EPHB1: variants seen among roughly 807,000 people sequenced by gnomAD.
The protein encoded by EPHB1 is ephrin type-B receptor 1.
EPHB1 carries 30 observed loss-of-function variants against 94.4 expected under a neutral mutation model. The ratio of observed to expected loss-of-function variants is 0.32; its 90% CI spans 0.24 to 0.43. EPHB1 has a LOEUF of 0.43. Ranked by LOEUF, EPHB1 falls within the 20% of genes least tolerant of loss-of-function variation. EPHB1 has a pLI of 1.00. For missense variants in EPHB1, 1,055 were observed against 1,308.3 expected (o/e 0.81, Z 2.99); for synonymous variants, 522 against 489.1 (o/e 1.07, Z -0.89).
At chr3:135,254,657 A>C (rs953463157) in intron 15 of EPHB1, among the ~76,000 whole-genome samples, 52 of 150,118 alleles carry the variant, frequency 3.5e-4, no homozygotes, top group Non-Finnish European at 5.8e-4. Flanking sequence ...TTCATCAGGG[A>C]TATTGGTCTA....
chr3:134,967,164 T>TAA lies in EPHB1; in HGVS notation c.805+15114_805+15115dup, dbSNP rs552185427. On this transcript the variant is annotated intron_variant, in intron 3 of 15. Transcript: ENST00000398015. Reference sequence around the variant, plus strand: ...TGAATGGACTGATGGCCCAGATATATAAAGACTTTTAAGTAAGTGCTATGC... The same window carrying TAA: ...TGAATGGACTGATGGCCCAGATATATAAAAAGACTTTTAAGTAAGTGCTATGC... Among the ~76,000 whole-genome samples the TAA allele has an allele frequency of 2.6e-5, 4 of 152,318 alleles. No homozygotes were observed. The South Asian group carries it at 8.3e-4, about 32-fold the overall frequency.
intron 1 of EPHB1, chr3:134,796,028 C>T (rs755006040): frequency 4.9e-5 from 19 of 385,278 alleles, no homozygotes; most frequent in Non-Finnish European, 8.9e-5. Flanking sequence ...TGGGGCAGAG[C>T]CAGAGCTGGG....
intron 3 of EPHB1, among the ~76,000 whole-genome samples, chr3:134,989,488 C>T (rs1344752034): frequency 2.5e-5 from 3 of 122,170 alleles, no homozygotes; most frequent in South Asian, 2.5e-4. Flanking sequence ...TGCACACGCA[C>T]GCGCGCGTGC....
intron 3 of EPHB1, among the ~76,000 whole-genome samples, chr3:135,106,096 G>A (rs1159859747): frequency 6.6e-6 from 1 of 152,148 alleles, no homozygotes; most frequent in African/African-American, 2.4e-5. Flanking sequence ...ATGTTAACCA[G>A]GTAGACAGAA....
chr3:135,258,444 C>T (rs980177235), intron 15 of EPHB1, among the ~76,000 whole-genome samples: 4 of 152,162 alleles, frequency 2.6e-5, no homozygotes, highest in African/African-American at 9.6e-5. Flanking sequence ...CAATTCAGTG[C>T]TCTATCCTGG....
At chr3:134,833,316 C>T (rs749284650) in intron 1 of EPHB1, among the ~76,000 whole-genome samples, 1 of 152,196 alleles carries the variant, frequency 6.6e-6, no homozygotes, top group Non-Finnish European at 1.5e-5. Flanking sequence ...GGAAAGACTG[C>T]CCAGGATAGA....
chr3:134,976,639 C>T (rs772445949), intron 3 of EPHB1, among the ~76,000 whole-genome samples: 1 of 152,162 alleles, frequency 6.6e-6, no homozygotes, highest in Admixed American at 6.5e-5. Context: ...ATCTGTAACA[C>T]CCATCATGGC....
At chr3:134,921,675 T>C (rs2038689347) in intron 1 of EPHB1, among the ~76,000 whole-genome samples, 2 of 152,254 alleles carry the variant, frequency 1.3e-5, no homozygotes, top group African/African-American at 4.8e-5. Context: ...TTTATCGATA[T>C]CATATAGAAT....
chr3:134,895,028 C>T (rs979531957), intron 1 of EPHB1, among the ~76,000 whole-genome samples: 1 of 152,224 alleles, frequency 6.6e-6, no homozygotes, highest in East Asian at 1.9e-4. Flanking sequence ...TTGAAACAGG[C>T]TTTTCACTCT....
At chr3:134,975,330 A>G (rs1353752414) in intron 3 of EPHB1, among the ~76,000 whole-genome samples, 1 of 152,150 alleles carries the variant, frequency 6.6e-6, no homozygotes, top group Non-Finnish European at 1.5e-5. Context: ...AGGGCAGGGG[A>G]TGCAGAACTG....
At chr3:135,245,936 C>T (rs1382559072) in intron 13 of EPHB1, among the ~76,000 whole-genome samples, 1 of 151,976 alleles carries the variant, frequency 6.6e-6, no homozygotes, top group Non-Finnish European at 1.5e-5. Context: ...GTGCATGGGT[C>T]CCCATTCTCT....
At chr3:134,801,592 A>G (rs1409416410) in intron 1 of EPHB1, among the ~76,000 whole-genome samples, 5 of 152,228 alleles carry the variant, frequency 3.3e-5, no homozygotes, top group Admixed American at 1.3e-4. Context: ...GTCTCCAAAG[A>G]TGGTGGAGAA....
At chr3:134,810,573 A>G (rs1405156838) in intron 1 of EPHB1, among the ~76,000 whole-genome samples, 8 of 152,202 alleles carry the variant, frequency 5.3e-5, no homozygotes, top group Non-Finnish European at 2.9e-5. Context: ...GAGAACAATT[A>G]TAGTATTGTC....
chr3:135,240,624 C>G (rs370684211), intron 12 of EPHB1, among the ~76,000 whole-genome samples: 1 of 152,182 alleles, frequency 6.6e-6, no homozygotes, highest in Non-Finnish European at 1.5e-5. Flanking sequence ...ACCTGCCCCC[C>G]AGAGGTGGAA....
chr3:134,919,877 T>C (rs1199196131), intron 1 of EPHB1, among the ~76,000 whole-genome samples: 1 of 151,660 alleles, frequency 6.6e-6, no homozygotes, highest in African/African-American at 2.4e-5. Flanking sequence ...TGCATGCGCC[T>C]GTGTGTGTGC....
intron 3 of EPHB1, among the ~76,000 whole-genome samples, chr3:135,029,896 C>T (rs1936371248): frequency 6.6e-6 from 1 of 151,822 alleles, no homozygotes. Flanking sequence ...CACATAGTCC[C>T]ATATTTCTTG....
chr3:134,807,414 C>A (rs1487807918), intron 1 of EPHB1, among the ~76,000 whole-genome samples: 1 of 151,654 alleles, frequency 6.6e-6, no homozygotes, highest in Admixed American at 6.6e-5. Flanking sequence ...CTGATGGATG[C>A]GGTATAGCAG....
intron 3 of EPHB1, among the ~76,000 whole-genome samples, chr3:135,030,460 C>T (rs961713477): frequency 6.6e-6 from 1 of 152,148 alleles, no homozygotes; most frequent in African/African-American, 2.4e-5. Context: ...CCCTCAGCTG[C>T]AGGTCTGTTG....
intron 3 of EPHB1, among the ~76,000 whole-genome samples, chr3:135,102,523 G>T (rs1315368483): frequency 6.6e-6 from 1 of 152,218 alleles, no homozygotes; most frequent in Non-Finnish European, 1.5e-5. Context: ...TACAAGATAA[G>T]TTAAAAGGGC....
Sources: gnomAD v4.1 joint callset for allele counts (sites outside exome capture counted in the v4.1 genomes callset) on GRCh38, gnomAD v4.1.1 for gene constraint, MANE v1.5 for transcripts, NCBI Gene and HGNC (gene_info 2026-07-23, HGNC 2026-07-21) for gene names.